The following TICRR variants were observed in gnomAD, a reference collection of about 807,000 sequenced individuals.
TICRR encodes the protein treslin.
A neutral mutation model predicts 178.1 loss-of-function variants in TICRR; 132 were observed. The observed-to-expected ratio is 0.74, with a 90% CI of 0.64 to 0.86. The LOEUF is 0.86. Ranked by LOEUF, TICRR falls within the 40% of genes least tolerant of loss-of-function variation. The pLI is 0.00. For missense variants in TICRR, 2,587 were observed against 2,334.3 expected, an observed-to-expected ratio of 1.11 and a Z score of -2.23; for synonymous variants, 991 against 900.7, an observed-to-expected ratio of 1.10 and a Z score of -1.79.
At chr15:89,577,553 G>A (rs1463402784) in intron 1 of TICRR, among the ~76,000 whole-genome samples, 1 of 150,208 alleles carries the variant, frequency 6.7e-6, no homozygotes, top group African/African-American at 2.4e-5. Context: ...TGAGAGGATG[G>A]GAGTAGAAGG....
chr15:89,627,009 G>C lies in TICRR; in HGVS notation c.5656G>C (p.Ala1886Pro). The change falls in exon 22 of 22, where the codon GCT becomes CCT. Residue 1886 changes from alanine (A) to proline (P), a missense_variant. Transcript: ENST00000268138. ...TGTAGAAGACTCTCCTTTCAGTCGC[G>C]CTTTCTCCAGGAGGCGCCCCATCAG... ...STVEDSPFSR[A>P]FSRRRPISRT... 1 of 1,614,028 alleles carries C rather than the reference G, an allele frequency of 6.2e-7. No homozygotes were observed. The highest frequency in any genetic ancestry group is 8.5e-7 in the Non-Finnish European group (1 of 1,180,014).
chr15:89,601,607 T>C, intron 11 of TICRR, 39 bp downstream of exon 11: 3 of 1,612,550 alleles, frequency 1.9e-6, no homozygotes, highest in Non-Finnish European at 1.7e-6. Context: ...TAAAATTGTT[T>C]TGTCAAAACC....
intron 13 of TICRR, among the ~76,000 whole-genome samples, chr15:89,605,040 G>T (rs924489921): frequency 1.3e-4 from 20 of 151,708 alleles, no homozygotes; most frequent in Non-Finnish European, 7.4e-5. Context: ...AGATCACAAG[G>T]ATTAAAAAAA....
At chr15:89,576,987 G>T (rs189767115) in intron 1 of TICRR, among the ~76,000 whole-genome samples, 1 of 151,488 alleles carries the variant, frequency 6.6e-6, no homozygotes, top group African/African-American at 2.4e-5. Context: ...CCACCCCTCC[G>T]GGTTCAAGCG....
intron 8 of TICRR, 87 bp from the exon 9 acceptor site, chr15:89,600,498 A>T: frequency 3.6e-6 from 2 of 562,646 alleles, no homozygotes; most frequent in Non-Finnish European, 6.2e-6. Flanking sequence ...TTATAAGGGA[A>T]TATATTTCCC....
intron 11 of TICRR, 55 bp from the exon 12 acceptor site, chr15:89,601,682 G>T (rs983469899): frequency 1.2e-6 from 2 of 1,611,962 alleles, no homozygotes; most frequent in Non-Finnish European, 1.7e-6. Context: ...GGTGAGGGAG[G>T]GAATAGAGAG....
At chr15:89,605,401 C>G (rs915566260) in intron 13 of TICRR, among the ~76,000 whole-genome samples, 16 of 152,184 alleles carry the variant, frequency 1.1e-4, no homozygotes, top group African/African-American at 2.9e-4. Flanking sequence ...TGGAGTCTCC[C>G]TCTGTCGCCC....
Position 89,584,456 on chromosome 15 carries a change from G to A in TICRR, c.1105G>A (p.Glu369Lys). ...TDSWMLGSPE[E>K]STATQRLLFQ... ...CAGCTGGATGCTAGGAAGTCCAGAG[G>A]AGAGCACAGCAACTCAAAGGCTGTT... The change falls in exon 3 of 22, where the codon GAG becomes AAG. Residue 369 changes from glutamate (E) to lysine (K), a missense_variant. Physicochemically the swap from Glu to Lys is moderately conservative, Grantham distance 56. Coordinates refer to ENST00000268138, the MANE Select transcript of TICRR (RefSeq NM_152259.4). 6.2e-7 allele frequency: 1 copy of A among 1,613,194 alleles called. No homozygotes were observed. Among genetic ancestry groups the A allele is most frequent in the South Asian group, 1.1e-5 (1 of 90,958 alleles).
chr15:89,607,752 T>C (rs188107019), intron 14 of TICRR, among the ~76,000 whole-genome samples: 146 of 152,256 alleles, frequency 9.6e-4, no homozygotes, highest in Middle Eastern at 3.4e-3. Context: ...TGGGTTTAAA[T>C]GATTAATCTT....
Position 89,621,489 on chromosome 15 carries a change from C to T in TICRR, c.3251C>T (p.Ser1084Leu). ...SEMISPSEKG[S>L]ARMKKRSRNT... ...ATGATCAGCCCCTCAGAAAAGGGTT[C>T]AGCTCGAATGAAAAAGCGTTCAAGA... Residue 1084 changes from serine (S) to leucine (L), a missense_variant, in exon 19 of 22, where the codon TCA becomes TTA. Physicochemically the swap from Ser to Leu is moderately radical, Grantham distance 145 (BLOSUM62 -2). Coordinates refer to ENST00000268138, the MANE Select transcript of TICRR (RefSeq NM_152259.4). 2 of 1,614,046 alleles carry T rather than the reference C, an allele frequency of 1.2e-6. No individual in the cohort carries two copies. Among genetic ancestry groups the T allele is most frequent in the Non-Finnish European group, 8.5e-7 (1 of 1,179,974 alleles).
At chr15:89,590,707 A>G (rs546215611) in intron 4 of TICRR, among the ~76,000 whole-genome samples, 29 of 152,330 alleles carry the variant, frequency 1.9e-4, no homozygotes, top group African/African-American at 7.0e-4. Context: ...ATTTATACGT[A>G]TCTCCATGAC....
chr15:89,590,390 A>G (rs1422900011), intron 4 of TICRR, among the ~76,000 whole-genome samples: 1 of 152,192 alleles, frequency 6.6e-6, no homozygotes, highest in Non-Finnish European at 1.5e-5. Context: ...TGTGTAGGCT[A>G]TTTGTAGAAA....
At chr15:89,622,938 A>G (rs1963450691) in intron 19 of TICRR, among the ~76,000 whole-genome samples, 2 of 152,184 alleles carry the variant, frequency 1.3e-5, no homozygotes, top group African/African-American at 4.8e-5. Context: ...CACTGCACCA[A>G]TCACATTGTA....
chr15:89,623,195 A>G (rs539520593), intron 19 of TICRR, among the ~76,000 whole-genome samples: 6 of 152,346 alleles, frequency 3.9e-5, no homozygotes, highest in Non-Finnish European at 7.3e-5. Flanking sequence ...TGCCTGGCAC[A>G]TAGCAGGTGA....
At position 89,625,311 on chromosome 15, in the gene TICRR, G is replaced by A; in HGVS notation, c.5001G>A (p.Trp1667Ter). 1.2e-6 allele frequency: 2 copies of A among 1,614,046 alleles called. No individual in the cohort carries two copies. Among genetic ancestry groups the A allele is most frequent in the Non-Finnish European group, 1.7e-6 (2 of 1,180,010 alleles). The change falls in exon 20 of 22, where the codon TGG becomes TGA. Residue 1667 changes from tryptophan (W) to a stop codon, truncating the protein, a stop_gained. Coordinates refer to ENST00000268138, the MANE Select transcript of TICRR (RefSeq NM_152259.4). LOFTEE classifies it high-confidence loss of function. ...PSPFQTDGVP[W>*]TPSPKHSGKT... ...CATTTCAAACAGATGGGGTTCCTTG[G>A]ACACCATCCCCCAAGCACAGTGGGA... is the stretch of plus-strand genomic sequence containing the variant.
rs75934760 is a variant in TICRR at position 89,621,538 on chromosome 15, T to C, written c.3300T>C (p.Pro1100=). ...GAAACACTTTGGATTCGGAGGTACC[T>C]GCAGCTTACCAGGTATAATGTTTCT... The part of the protein sequence containing the change: ...RSRNTLDSEV[P]AAYQTPKKSH... The change falls in exon 19 of 22, where the codon CCT becomes CCC. Residue 1100 remains proline, a synonymous_variant. Transcript: ENST00000268138. The C allele has an allele frequency of 7.3e-3, 11,736 of 1,611,572 alleles. 579 individuals carry two copies. The African/African-American group carries it at 0.12, about 17-fold the overall frequency.
At chr15:89,614,473 G>T (rs1410807785) in intron 15 of TICRR, among the ~76,000 whole-genome samples, 1 of 151,866 alleles carries the variant, frequency 6.6e-6, no homozygotes, top group Non-Finnish European at 1.5e-5. Flanking sequence ...TGGACTAAAG[G>T]CATGCACCAC....
At chr15:89,593,471 A>G (rs1175754025) in intron 5 of TICRR, among the ~76,000 whole-genome samples, 1 of 152,198 alleles carries the variant, frequency 6.6e-6, no homozygotes, top group African/African-American at 2.4e-5. Flanking sequence ...TTGGGAAGCC[A>G]AGCCAGTGAA....
chr15:89,602,523 A>G (rs1476191964), intron 12 of TICRR, among the ~76,000 whole-genome samples: 1 of 152,248 alleles, frequency 6.6e-6, no homozygotes, highest in Middle Eastern at 3.4e-3. Context: ...TTTACTGTCC[A>G]CATGAGGTCT....
Sources: gnomAD v4.1 joint callset for allele counts (sites outside exome capture counted in the v4.1 genomes callset) on GRCh38, gnomAD v4.1.1 for gene constraint, MANE v1.5 for transcripts, NCBI Gene and HGNC (gene_info 2026-07-23, HGNC 2026-07-21) for gene names.